Variants in TAF15 observed in about 807,000 individuals in gnomAD.
TAF15 encodes the protein TATA-binding protein-associated factor 2N.
In TAF15, 37 loss-of-function variants were observed where a neutral mutation model predicts 102.5. That is an observed-to-expected ratio of 0.36 (90% confidence interval 0.28 to 0.47). The LOEUF (loss-of-function observed/expected upper bound fraction) is 0.47, where lower values mean the gene tolerates loss of function less well. TAF15 is among the 20% of genes least tolerant of loss of function. TAF15 has a pLI of 0.99. For missense variants in TAF15, 652 were observed against 760.7 expected (o/e 0.86, Z 1.68); for synonymous variants, 273 against 259.2 (o/e 1.05, Z -0.51).
intron 1 of TAF15, among the ~76,000 whole-genome samples, chr17:35,813,354 T>C (rs1365107368): frequency 6.6e-6 from 1 of 151,848 alleles, no homozygotes; most frequent in African/African-American, 2.4e-5. Context: ...ATGAAAGATT[T>C]CAGGCATGGT....
chr17:35,814,573 T>C (rs2087170251), intron 1 of TAF15, among the ~76,000 whole-genome samples: 1 of 151,530 alleles, frequency 6.6e-6, no homozygotes, highest in African/African-American at 2.4e-5. Context: ...CCTAATAATA[T>C]ATACAGAAAA....
In TAF15 at chr17:35,839,678, G is replaced by A. The variant is rs548261378; in HGVS notation, c.913+1125G>A. ...ATTACAGGCGTGAGCCACCGCACCC[G>A]GCCGAGATGCTTTTTTTAACAGAAA... is the stretch of plus-strand genomic sequence containing the variant. On this transcript the variant is annotated intron_variant, in intron 11 of 15. Coordinates refer to ENST00000605844, the MANE Select transcript of TAF15 (RefSeq NM_139215.3). Among the ~76,000 whole-genome samples the A allele has an allele frequency of 1.4e-3, 210 of 152,140 alleles. 1 individual carries two copies. The highest frequency in any genetic ancestry group is 3.4e-3 in the Middle Eastern group (1 of 294).
intron 7 of TAF15, 43 bp downstream of exon 7, chr17:35,824,241 C>CTTT (rs35907284): frequency 2.2e-4 from 314 of 1,456,204 alleles, no homozygotes; most frequent in South Asian, 1.2e-3. Context: ...TCTTCTTCCT[C>CTTT]TTTTTTTTTT....
At position 35,844,745 on chromosome 17, in the gene TAF15, T is replaced by A; in HGVS notation, c.1446T>A (p.Asp482Glu). Residue 482 changes from aspartate (D) to glutamate (E), a missense_variant, in exon 15 of 16, where the codon GAT becomes GAA. This residue lies in a region of TAF15 where 368 missense variants were observed against 367.5 expected (regional missense o/e 1.00). Coordinates refer to ENST00000605844, the MANE Select transcript of TAF15 (RefSeq NM_139215.3). ...ACCGAGGAGGTGGCTATGGAGGAGA[T>A]CGAGGTGGCTATGGAGGAGACCGAG... The part of the protein sequence containing the change: ...GGDRGGGYGG[D>E]RGGYGGDRGG... 1 of 1,602,120 alleles carries A rather than the reference T, an allele frequency of 6.2e-7. No individual in the cohort carries two copies. The highest frequency in any genetic ancestry group is 8.5e-7 in the Non-Finnish European group (1 of 1,175,996).
chr17:35,829,199 T>G (rs1407576419), intron 7 of TAF15, among the ~76,000 whole-genome samples: 6 of 152,214 alleles, frequency 3.9e-5, no homozygotes, highest in African/African-American at 1.4e-4. Context: ...TTCTCCATTT[T>G]TAGCCAAGTC....
chr17:35,811,709 A>G (rs936651905), intron 1 of TAF15: 3 of 152,246 alleles, frequency 2.0e-5, no homozygotes, highest in African/African-American at 4.8e-5. Context: ...GAAGTAATCA[A>G]TAAATCAAAA....
At chr17:35,829,877 C>T (rs182094277) in intron 7 of TAF15, among the ~76,000 whole-genome samples, 6 of 152,008 alleles carry the variant, frequency 3.9e-5, no homozygotes, top group Admixed American at 2.0e-4. Flanking sequence ...CATTGGCTCA[C>T]GCCTGTAATC....
rs114954479 is a variant in TAF15 at position 35,814,503 on chromosome 17, A to G, written c.8-3213A>G. Among the ~76,000 whole-genome samples the G allele has an allele frequency of 6.7e-3, 1,021 of 151,950 alleles. 8 individuals carry two copies. The highest frequency in any genetic ancestry group is 0.023 in the African/African-American group (968 of 41,450). The stretch of plus-strand genomic sequence containing the variant: ...TTTAAGTTATGTTACTAGCCAAAAT[A>G]AAGTTCAGACGTAATGTTAAAAGGA... On this transcript the variant is annotated intron_variant, in intron 1 of 15. Coordinates refer to ENST00000605844, the MANE Select transcript of TAF15 (RefSeq NM_139215.3).
Position 35,828,843 on chromosome 17 carries a change from TATTTTGC to T in TAF15, c.605+4650_605+4656del, listed in dbSNP as rs528091366. Reference sequence around the variant, plus strand: ...TATTAAAATTTAGAAATCCATTTTGTATTTTGCATTTAGAGCACATCTTAATTTAGAC... The same window carrying T: ...TATTAAAATTTAGAAATCCATTTTGTATTTAGAGCACATCTTAATTTAGAC... On this transcript the variant is annotated intron_variant, in intron 7 of 15. Transcript: ENST00000605844. Among the ~76,000 whole-genome samples, 711 of 152,242 alleles carry T rather than the reference TATTTTGC, an allele frequency of 4.7e-3. 5 individuals carry two copies. Among genetic ancestry groups the T allele is most frequent in the African/African-American group, 0.016 (662 of 41,534 alleles).
At chr17:35,830,116 G>A (rs2087383965) in intron 7 of TAF15, 1 of 151,816 alleles carries the variant, frequency 6.6e-6, no homozygotes, top group South Asian at 2.1e-4. Flanking sequence ...CTCCAGCTTG[G>A]GCAACAAGAG....
chr17:35,811,835 C>G (rs1028696161), intron 1 of TAF15, among the ~76,000 whole-genome samples: 7 of 152,198 alleles, frequency 4.6e-5, no homozygotes, highest in African/African-American at 1.7e-4. Context: ...GTCAAGATAA[C>G]TTCTCATTCT....
chr17:35,823,953 T>C, intron 6 of TAF15, 125 bp from the exon 7 acceptor site: 1 of 1,164,076 alleles, frequency 8.6e-7, no homozygotes, highest in Non-Finnish European at 1.3e-6. Context: ...GACTTGCATT[T>C]GAGTTGTGTG....
chr17:35,830,440 AT>A (rs1290030143), intron 7 of TAF15: 1 of 148,606 alleles, frequency 6.7e-6, no homozygotes, highest in Admixed American at 6.7e-5. Flanking sequence ...ATTAAAGCAA[AT>A]TTGTTGTGTC....
Position 35,846,962 on chromosome 17 carries a change from TC to T in TAF15, c.*19del, listed in dbSNP as rs752039992. 4 of 1,614,108 alleles carry T rather than the reference TC, an allele frequency of 2.5e-6. No homozygotes were observed. The East Asian group carries it at 8.9e-5, about 36-fold the overall frequency. On this transcript the variant is annotated 3_prime_UTR_variant, in exon 16 of 16. Transcript: ENST00000605844. ...CCATACTGATGACTGTTTTGAATGT[TC>T]CTTTGTCTCTGACATGATCCATAGT...
intron 6 of TAF15, chr17:35,823,706 CAAAAA>C (rs57004932): frequency 6.7e-3 from 1,083 of 160,472 alleles, no homozygotes; most frequent in Middle Eastern, 0.021. Flanking sequence ...CTCTTGTCTC[CAAAAA>C]AAAAAAAAAA....
chr17:35,826,697 A>T (rs1053926280), intron 7 of TAF15, among the ~76,000 whole-genome samples: 1 of 150,560 alleles, frequency 6.6e-6, no homozygotes, highest in Non-Finnish European at 1.5e-5. Context: ...AGCTGGGACT[A>T]CAGGCGTGTG....
In TAF15 at chr17:35,820,425, A is replaced by T; in HGVS notation, c.278A>T (p.Glu93Val). 5 of 1,613,822 alleles carry T rather than the reference A, an allele frequency of 3.1e-6. No homozygotes were observed. Among genetic ancestry groups the T allele is most frequent in the Non-Finnish European group, 4.2e-6 (5 of 1,179,716 alleles). Reference sequence around the variant, plus strand: ...AACCAGGGACAGCAGCAAAACATGGAATCATCAGGAAGGTAAGGAAATAGT... The same window carrying T: ...AACCAGGGACAGCAGCAAAACATGGTATCATCAGGAAGGTAAGGAAATAGT... Reference protein sequence around the residue: ...YNNQGQQQNMESSGSQGGRAP... With the variant: ...YNNQGQQQNMVSSGSQGGRAP... Residue 93 changes from glutamate (E) to valine (V), a missense_variant, in exon 5 of 16, where the codon GAA becomes GTA. By Grantham distance (121) the Glu-to-Val change is moderately radical (BLOSUM62 -2). Around this residue, in one of 3 missense-constraint regions of TAF15, gnomAD observed 243 missense variants for 284.1 expected, o/e 0.86. Coordinates refer to ENST00000605844, the MANE Select transcript of TAF15 (RefSeq NM_139215.3).
chr17:35,826,209 A>G (rs78798894), intron 7 of TAF15, among the ~76,000 whole-genome samples: 7 of 152,336 alleles, frequency 4.6e-5, no homozygotes, highest in South Asian at 2.1e-4. Context: ...CAGAAGTCCA[A>G]TATCTAGTTG....
intron 5 of TAF15, 61 bp downstream of exon 5, chr17:35,820,498 C>G: frequency 6.9e-7 from 1 of 1,450,362 alleles, no homozygotes; most frequent in South Asian, 1.2e-5. Context: ...TGATATTAAA[C>G]AGATTTAACC....
Sources: allele counts gnomAD v4.1 joint callset (sites outside exome capture counted in the v4.1 genomes callset), GRCh38; gene constraint gnomAD v4.1.1; regional missense constraint gnomAD v4.1.1; transcripts MANE v1.5; gene names NCBI Gene and HGNC (gene_info 2026-07-23, HGNC 2026-07-21).